RNF130: variants seen among roughly 807,000 people sequenced by gnomAD.
The protein encoded by RNF130 is E3 ubiquitin-protein ligase RNF130.
A neutral mutation model predicts 44.6 loss-of-function variants in RNF130; 21 were observed. The ratio of observed to expected loss-of-function variants is 0.47; its 90% CI spans 0.33 to 0.68. RNF130 has a LOEUF of 0.68. RNF130 is among the 30% of genes least tolerant of loss of function. The pLI is 0.02. For synonymous variants in RNF130, 214 were observed against 210.4 expected (o/e 1.02, Z -0.15); for missense variants, 479 against 560.6 (o/e 0.85, Z 1.47).
intron 8 of RNF130, among the ~76,000 whole-genome samples, chr5:179,961,376 G>A (rs1256748147): frequency 6.6e-6 from 1 of 152,176 alleles, no homozygotes; most frequent in East Asian, 1.9e-4. Flanking sequence ...CTGCTAATGG[G>A]AGAAGGGTTG....
intron 3 of RNF130, among the ~76,000 whole-genome samples, chr5:180,000,950 T>C (rs1420438158): frequency 6.6e-6 from 1 of 152,228 alleles, no homozygotes; most frequent in African/African-American, 2.4e-5. Flanking sequence ...TTCATGTTTC[T>C]CACGTCCCTG....
chr5:180,000,987 C>T (rs1177800356), intron 3 of RNF130, among the ~76,000 whole-genome samples: 3 of 152,148 alleles, frequency 2.0e-5, no homozygotes, highest in Admixed American at 2.0e-4. Context: ...TCTGGTGGAA[C>T]AATCACTTCT....
intron 3 of RNF130, among the ~76,000 whole-genome samples, chr5:179,981,325 C>A (rs558325049): frequency 6.6e-6 from 1 of 152,304 alleles, no homozygotes; most frequent in South Asian, 2.1e-4. Context: ...CTAGACACAT[C>A]CAGGCCTTAC....
rs1441754675 is a variant in RNF130, at chr5:179,975,934, T to TA, written c.848+2268dup. Among the ~76,000 whole-genome samples the TA allele has an allele frequency of 2.6e-5, 4 of 152,232 alleles. No homozygotes were observed. In the South Asian group the frequency reaches 8.3e-4, roughly 32 times the overall value. On this transcript the variant is annotated intron_variant, in intron 5 of 8. Coordinates refer to ENST00000521389, the MANE Select transcript of RNF130 (RefSeq NM_018434.6). Reference sequence around the variant, plus strand: ...AGCACGAGAATCGGGCGGGAACTTATAATTAAAGCGCATATGCCCGGCCTC... The same window carrying TA: ...AGCACGAGAATCGGGCGGGAACTTATAAATTAAAGCGCATATGCCCGGCCTC...
intron 2 of RNF130, among the ~76,000 whole-genome samples, chr5:180,018,463 T>C (rs1321030366): frequency 6.6e-6 from 1 of 152,092 alleles, no homozygotes; most frequent in Non-Finnish European, 1.5e-5. Context: ...CAGATGCTTA[T>C]AAAACCATCA....
chr5:179,957,150 G>A (rs1202771514), intron 8 of RNF130, among the ~76,000 whole-genome samples: 1 of 152,116 alleles, frequency 6.6e-6, no homozygotes. Context: ...GGTGGCTCAC[G>A]CCTGTAATCC....
chr5:179,950,722 G>C (rs188653002), downstream of RNF130, among the ~76,000 whole-genome samples: 88 of 152,174 alleles, frequency 5.8e-4, no homozygotes, highest in African/African-American at 2.1e-3. Flanking sequence ...CTATTTTTTT[G>C]AAGTCTTAAT....
intron 3 of RNF130, among the ~76,000 whole-genome samples, chr5:180,006,074 G>C (rs1360635823): frequency 6.6e-6 from 1 of 152,152 alleles, no homozygotes; most frequent in Non-Finnish European, 1.5e-5. Flanking sequence ...CAGAGTATTT[G>C]CAGTATTTTT....
chr5:179,931,988 G>A (rs959549963), intron 7 of RNF130, among the ~76,000 whole-genome samples: 2 of 152,166 alleles, frequency 1.3e-5, no homozygotes, highest in African/African-American at 4.8e-5. Flanking sequence ...GACAATAGGG[G>A]TCTGCTGTGT....
intron 1 of RNF130, among the ~76,000 whole-genome samples, chr5:180,042,227 C>T (rs1764436534): frequency 6.6e-6 from 1 of 152,192 alleles, no homozygotes; most frequent in South Asian, 2.1e-4. Context: ...ATCTACCATT[C>T]CCACTTAAAT....
At chr5:179,945,020 A>G (rs1762017426) in intron 7 of RNF130, among the ~76,000 whole-genome samples, 1 of 152,200 alleles carries the variant, frequency 6.6e-6, no homozygotes, top group East Asian at 1.9e-4. Flanking sequence ...TCACGCCTAT[A>G]ATCCCAGCCA....
At chr5:180,056,078 G>C (rs1166625967) in intron 1 of RNF130, among the ~76,000 whole-genome samples, 1 of 150,704 alleles carries the variant, frequency 6.6e-6, no homozygotes, top group Non-Finnish European at 1.5e-5. Flanking sequence ...AGCGAAACTG[G>C]GTCTTAAAAA....
At chr5:179,995,956 G>C (rs1473179047) in intron 3 of RNF130, among the ~76,000 whole-genome samples, 4 of 152,118 alleles carry the variant, frequency 2.6e-5, no homozygotes, top group African/African-American at 9.7e-5. Context: ...GCTGTCTTTG[G>C]GGGAAAAACC....
intron 1 of RNF130, among the ~76,000 whole-genome samples, chr5:180,068,910 A>T (rs1436529253): frequency 6.6e-6 from 1 of 152,236 alleles, no homozygotes; most frequent in East Asian, 1.9e-4. Flanking sequence ...GTAAGTCCTC[A>T]ATAAACATGT....
Position 179,966,935 on chromosome 5 carries a change from A to C in RNF130, c.1021T>G (p.Ser341Ala). 6.2e-7 allele frequency: 1 copy of C among 1,614,194 alleles called. No individual in the cohort carries two copies. Among genetic ancestry groups the C allele is most frequent in the Non-Finnish European group, 8.5e-7 (1 of 1,180,032 alleles). ...TCGCCGGCGAGGTCGCCGAGGGCTG[A>C]TCTTCGGTTAACAGCTTGGGTTCTG... ...LTRTQAVNRR[S>A]ALGDLAGDNS... The change falls in exon 7 of 9, where the codon TCA becomes GCA. Residue 341 changes from serine to alanine, a missense_variant. Around this residue, in one of 3 missense-constraint regions of RNF130, gnomAD observed 161 missense variants for 158.6 expected, o/e 1.02. Coordinates refer to ENST00000521389, the MANE Select transcript of RNF130 (RefSeq NM_018434.6).
At chr5:179,915,660 C>A (rs1050150222) in exon 8 of RNF130, 11 of 152,418 alleles carry the variant, frequency 7.2e-5, no homozygotes, top group Middle Eastern at 3.4e-3. Flanking sequence ...ACTGGCATCC[C>A]AGGCTGGTGC....
intron 7 of RNF130, chr5:179,934,012 C>T (rs1044854370): frequency 2.9e-6 from 1 of 341,302 alleles, no homozygotes; most frequent in East Asian, 8.0e-5. Flanking sequence ...GTGAAGCTCA[C>T]AACAGTGTTC....
At chr5:179,939,112 G>A (rs1761938570) in intron 7 of RNF130, among the ~76,000 whole-genome samples, 1 of 152,124 alleles carries the variant, frequency 6.6e-6, no homozygotes, top group Non-Finnish European at 1.5e-5. Context: ...AGCTGCTTGG[G>A]GGGCTGAGGC....
chr5:180,016,565 C>T (rs1763740323), intron 2 of RNF130, among the ~76,000 whole-genome samples: 1 of 152,238 alleles, frequency 6.6e-6, no homozygotes, highest in Non-Finnish European at 1.5e-5. Flanking sequence ...TACTAACTGT[C>T]AGAGATGGCA....
Sources: allele counts gnomAD v4.1 joint callset (sites outside exome capture counted in the v4.1 genomes callset), GRCh38; gene constraint gnomAD v4.1.1; regional missense constraint gnomAD v4.1.1; transcripts MANE v1.5; gene names NCBI Gene and HGNC (gene_info 2026-07-23, HGNC 2026-07-21).